The following IL20RB variants were observed in gnomAD, a reference collection of about 807,000 sequenced individuals.
IL20RB encodes the protein interleukin 20 receptor subunit beta.
Under a neutral mutation model 33.3 loss-of-function variants are expected in IL20RB, and 21 were observed. The observed-to-expected ratio is 0.63, with a 90% CI of 0.45 to 0.91. The LOEUF (loss-of-function observed/expected upper bound fraction) is 0.91, where lower values mean the gene tolerates loss of function less well. Among genes scored for constraint, IL20RB ranks in the 40% least tolerant of loss-of-function variants. The probability of loss-of-function intolerance (pLI) is 0.00; values close to 1 mark genes in which losing one functional copy is unlikely to be tolerated. For synonymous variants in IL20RB, 147 were observed against 146.8 expected (o/e 1.00, Z -0.01); for missense variants, 345 against 384.8 (o/e 0.90, Z 0.86).
At chr3:136,981,127 A>C (rs989624913) in intron 2 of IL20RB, among the ~76,000 whole-genome samples, 1 of 152,184 alleles carries the variant, frequency 6.6e-6, no homozygotes, top group Non-Finnish European at 1.5e-5. Context: ...ATGTGTAGAC[A>C]TTCTTCTAGG....
chr3:136,991,789 G>A (rs778885788), intron 4 of IL20RB, 149 bp from the exon 5 acceptor site: 13 of 603,998 alleles, frequency 2.2e-5, no homozygotes, highest in East Asian at 3.2e-5. Context: ...TTTATTTGTA[G>A]TAGAGATGGG....
chr3:137,004,076 G>T (rs532983670), intron 6 of IL20RB, among the ~76,000 whole-genome samples: 24 of 152,180 alleles, frequency 1.6e-4, no homozygotes, highest in Non-Finnish European at 1.5e-4. Context: ...ATTGATTTGT[G>T]TATGTTGAAT....
chr3:136,970,363 G>C (rs1941441957), intron 1 of IL20RB, among the ~76,000 whole-genome samples: 1 of 151,994 alleles, frequency 6.6e-6, no homozygotes, highest in African/African-American at 2.4e-5. Context: ...CCAAAGTTCT[G>C]GGATTACAGG....
rs1320888454 is a variant in IL20RB, at chr3:136,989,670, A to T, written c.531+105A>T. 10 of 1,304,996 alleles carry T rather than the reference A, an allele frequency of 7.7e-6. No homozygotes were observed. In the East Asian group the frequency reaches 2.4e-4, roughly 32 times the overall value. The allele number at this position is 1,304,996 out of a possible 1,614,324, so 80.8% of individuals were successfully genotyped here. On this transcript the variant is annotated intron_variant, in intron 4 of 6. Transcript: ENST00000329582. Reference sequence around the variant, plus strand: ...CCCCTGCTCACTGGGTGACCTGGGGATGAGCAGTCCTGGGTGAAGTGTGCA... The same window carrying T: ...CCCCTGCTCACTGGGTGACCTGGGGTTGAGCAGTCCTGGGTGAAGTGTGCA...
At chr3:137,004,741 C>T (rs184425254) in intron 6 of IL20RB, among the ~76,000 whole-genome samples, 104 of 151,964 alleles carry the variant, frequency 6.8e-4, no homozygotes, top group African/African-American at 2.3e-3. Context: ...TATTTTTTGA[C>T]GGGTTTTTTT....
chr3:137,004,239 T>C (rs1398921780), intron 6 of IL20RB, among the ~76,000 whole-genome samples: 1 of 152,196 alleles, frequency 6.6e-6, no homozygotes, highest in Non-Finnish European at 1.5e-5. Context: ...TGTGTGTATG[T>C]CTCTGCCAGG....
intron 1 of IL20RB, among the ~76,000 whole-genome samples, chr3:136,976,851 A>T (rs1362127394): frequency 2.6e-5 from 4 of 152,150 alleles, no homozygotes; most frequent in Non-Finnish European, 4.4e-5. Context: ...TCCTGGGACA[A>T]TTTTGTCCCC....
In IL20RB at chr3:136,988,544, A is replaced by G. The variant is rs560808469; in HGVS notation, c.407-897A>G. On this transcript the variant is annotated intron_variant, in intron 3 of 6. Transcript: ENST00000329582. Reference sequence around the variant, plus strand: ...TGCTTGAGTCTAGGAATTAGAGACCAGCCTGGGCAATGTGGTGAAGTCCCA... The same window carrying G: ...TGCTTGAGTCTAGGAATTAGAGACCGGCCTGGGCAATGTGGTGAAGTCCCA... 2.2e-4 allele frequency among the ~76,000 whole-genome samples: 33 copies of G among 152,274 alleles called. No homozygotes were observed. In the East Asian group the frequency reaches 5.8e-3, roughly 27 times the overall value.
chr3:136,978,593 A>G (rs1236858243), intron 1 of IL20RB, among the ~76,000 whole-genome samples: 1 of 152,204 alleles, frequency 6.6e-6, no homozygotes, highest in Non-Finnish European at 1.5e-5. Flanking sequence ...TGATTTTCAA[A>G]TGTTGAACCA....
chr3:136,994,850 G>A (rs913728916), intron 5 of IL20RB, among the ~76,000 whole-genome samples: 11 of 152,156 alleles, frequency 7.2e-5, no homozygotes, highest in Non-Finnish European at 1.3e-4. Context: ...TGAAGAACAA[G>A]CAACTACACG....
chr3:136,990,575 G>A (rs899277569), intron 4 of IL20RB, among the ~76,000 whole-genome samples: 4 of 152,104 alleles, frequency 2.6e-5, no homozygotes. Flanking sequence ...CTAGCTCTCG[G>A]TATTCAGTTT....
At position 136,957,995 on chromosome 3, in the gene IL20RB, G is replaced by C. The variant is rs889708687; in HGVS notation, c.-119G>C. On this transcript the variant is annotated 5_prime_UTR_variant, in exon 1 of 7. Coordinates refer to ENST00000329582, the MANE Select transcript of IL20RB (RefSeq NM_144717.4). ...CTGGGCCGGCTCTAGAACAATTCAG[G>C]CTTCGCTGCGACTCAGACCTCAGCT... 3.0e-6 allele frequency: 2 copies of C among 674,084 alleles called. No homozygotes were observed. Among genetic ancestry groups the C allele is most frequent in the Non-Finnish European group, 5.1e-6 (2 of 388,424 alleles). The allele number at this position is 674,084 out of a possible 1,614,324, so 41.8% of individuals were successfully genotyped here. A position where few individuals can be genotyped will look rare whatever the true frequency, so the allele number is the denominator to read the frequency against.
At chr3:136,976,044 G>C (rs1682339) in intron 1 of IL20RB, among the ~76,000 whole-genome samples, 88,595 of 151,444 alleles carry the variant, frequency 0.59, 26,492 homozygotes, top group East Asian at 0.9. Context: ...GTGTGACAGA[G>C]TGTGTAGGAC....
chr3:136,994,134 A>G (rs1942083340), intron 5 of IL20RB, among the ~76,000 whole-genome samples: 1 of 152,228 alleles, frequency 6.6e-6, no homozygotes, highest in African/African-American at 2.4e-5. Context: ...TTTTGGAATT[A>G]AAATTTCAGG....
At chr3:136,992,719 A>G (rs1942056640) in intron 5 of IL20RB, among the ~76,000 whole-genome samples, 1 of 151,978 alleles carries the variant, frequency 6.6e-6, no homozygotes, top group Non-Finnish European at 1.5e-5. Flanking sequence ...ACGAATTATT[A>G]TCTTAATTAT....
chr3:136,962,047 T>C (rs1374992859), intron 1 of IL20RB, among the ~76,000 whole-genome samples: 4 of 151,866 alleles, frequency 2.6e-5, no homozygotes, highest in African/African-American at 9.7e-5. Context: ...AAATAAATAA[T>C]TGAATAAATA....
At chr3:136,974,916 G>C (rs916698800) in intron 1 of IL20RB, among the ~76,000 whole-genome samples, 3 of 152,042 alleles carry the variant, frequency 2.0e-5, no homozygotes, top group African/African-American at 7.2e-5. Context: ...AATGTATTTT[G>C]TATTTCTTTC....
Position 136,986,840 on chromosome 3 carries a change from G to A in IL20RB, c.407-2601G>A, listed in dbSNP as rs562535186. 5.2e-5 allele frequency: 23 copies of A among 442,862 alleles called. No homozygotes were observed. The East Asian group carries it at 1.3e-3, about 26-fold the overall frequency. 27.4% of individuals were successfully genotyped at this position (442,862 alleles called of 1,614,324 possible). A position where few individuals can be genotyped will look rare whatever the true frequency, so the allele number is the denominator to read the frequency against. Reference sequence around the variant, plus strand: ...CTGGAGTCTGTCCCTTCTGATGTTCGGATGTGTTCAGAGTTTCTTCCTTCT... The same window carrying A: ...CTGGAGTCTGTCCCTTCTGATGTTCAGATGTGTTCAGAGTTTCTTCCTTCT... On this transcript the variant is annotated intron_variant, in intron 3 of 6. Transcript: ENST00000329582.
chr3:137,006,339 G>C (rs1209034741), intron 6 of IL20RB, among the ~76,000 whole-genome samples: 1 of 152,126 alleles, frequency 6.6e-6, no homozygotes, highest in Non-Finnish European at 1.5e-5. Context: ...AAGTTCTCCT[G>C]GATAATATCC....
Sources: allele counts gnomAD v4.1 joint callset (sites outside exome capture counted in the v4.1 genomes callset), GRCh38; gene constraint gnomAD v4.1.1; transcripts MANE v1.5; gene names NCBI Gene and HGNC (gene_info 2026-07-23, HGNC 2026-07-21).